EFHB: variants seen among roughly 807,000 people sequenced by gnomAD.
The protein encoded by EFHB is EF-hand domain-containing family member B.
A neutral mutation model predicts 87.2 loss-of-function variants in EFHB; 91 were observed. The ratio of observed to expected loss-of-function variants is 1.04; its 90% confidence interval spans 0.88 to 1.24. The LOEUF is 1.24. Among genes scored for constraint, EFHB ranks in the 50% most tolerant of loss-of-function variants. The pLI is 0.00. For missense variants in EFHB, 1,084 were observed against 998.8 expected, an observed-to-expected ratio of 1.09 and a Z score of -1.15; for synonymous variants, 325 against 333.6, an observed-to-expected ratio of 0.97 and a Z score of 0.28.
At chr3:19,909,005 T>A (rs1228183301) in intron 5 of EFHB, among the ~76,000 whole-genome samples, 1 of 151,256 alleles carries the variant, frequency 6.6e-6, no homozygotes, top group Non-Finnish European at 1.5e-5. Flanking sequence ...ACTGATCATG[T>A]CCCAGTCCCG....
intron 5 of EFHB, among the ~76,000 whole-genome samples, chr3:19,914,666 G>C (rs1461765070): frequency 3.9e-5 from 6 of 152,088 alleles, no homozygotes. Flanking sequence ...AATATATAAT[G>C]ATCAAATAAG....
At chr3:19,894,564 C>CAATAATATAAG (rs1482130401) in intron 9 of EFHB, 1 of 151,952 alleles carries the variant, frequency 6.6e-6, no homozygotes, top group Non-Finnish European at 1.5e-5. Flanking sequence ...ATGTGGCATC[C>CAATAATATAAG]AATAATATAA....
In EFHB at chr3:19,882,016, A is replaced by AAAATAAAT. The variant is rs368695761; in HGVS notation, c.2328+526_2328+533dup. The stretch of plus-strand genomic sequence containing the variant: ...TGTGGGCATCATGTTTTCTGAGTCA[A>AAAATAAAT]AAATAAATAAATAAATAAATAAATA... On this transcript the variant is annotated intron_variant, in intron 12 of 12. Transcript: ENST00000295824. Among the ~76,000 whole-genome samples, 955 of 141,718 alleles carry AAAATAAAT rather than the reference A, an allele frequency of 6.7e-3. 5 individuals are homozygous for AAAATAAAT. The highest frequency in any genetic ancestry group is 8.6e-3 in the Non-Finnish European group (565 of 65,882). 93.0% of individuals were successfully genotyped at this position (141,718 alleles called of 152,430 possible).
rs13078867 is a variant in EFHB at position 19,920,552 on chromosome 3, G to A, written c.805C>T (p.Pro269Ser). 0.24 allele frequency: 386,258 copies of A among 1,596,268 alleles called. 48,843 individuals carry two copies. The highest frequency in any genetic ancestry group is 0.32 in the Middle Eastern group (1,917 of 6,014). ...PCWPSAGKVI[P>S]VGYRVATCLT... is the part of the protein sequence containing the mutation. Reference sequence around the variant, plus strand: ...CAGGTTGCAACTCTGTAACCAACTGGAATAACTTTTCCTGCCTTTGGGGGA... The same window carrying A: ...CAGGTTGCAACTCTGTAACCAACTGAAATAACTTTTCCTGCCTTTGGGGGA... The change falls in exon 2 of 13, where the codon CCA becomes TCA. Residue 269 changes from proline to serine, a missense_variant. Pro to Ser is a moderately conservative substitution (Grantham distance 74). Transcript: ENST00000295824.
chr3:19,895,364 C>G (rs1694445887), intron 9 of EFHB, among the ~76,000 whole-genome samples: 1 of 151,744 alleles, frequency 6.6e-6, no homozygotes, highest in Non-Finnish European at 1.5e-5. Context: ...CACCTGTAGT[C>G]CCACTACTCG....
chr3:19,902,248 C>A lies in EFHB; in HGVS notation c.1419-2733G>T, dbSNP rs575758223. 7.2e-5 allele frequency among the ~76,000 whole-genome samples: 11 copies of A among 152,302 alleles called. No homozygotes were observed. The South Asian group carries it at 2.3e-3, about 32-fold the overall frequency. ...AACACATGCACTCGCACAGGCATGC[C>A]TACATCTGATGACTCAAACCAAAGT... On this transcript the variant is annotated intron_variant, in intron 6 of 12. Coordinates refer to ENST00000295824, the MANE Select transcript of EFHB (RefSeq NM_144715.4).
chr3:19,930,421 T>A (rs865816115), intron 1 of EFHB, among the ~76,000 whole-genome samples: 1 of 152,214 alleles, frequency 6.6e-6, no homozygotes, highest in Non-Finnish European at 1.5e-5. Context: ...AATAATAAGA[T>A]TTCTAAGTGG....
At chr3:19,910,923 T>C (rs1162926210) in intron 5 of EFHB, among the ~76,000 whole-genome samples, 1 of 152,214 alleles carries the variant, frequency 6.6e-6, no homozygotes, top group Non-Finnish European at 1.5e-5. Flanking sequence ...AGATACAGCT[T>C]AGATCACAAC....
intron 4 of EFHB, among the ~76,000 whole-genome samples, chr3:19,917,441 G>A (rs920367726): frequency 3.9e-5 from 6 of 151,922 alleles, no homozygotes; most frequent in African/African-American, 1.2e-4. Context: ...TGAGCCTTTC[G>A]GTGAACAAAG....
chr3:19,914,624 C>G (rs1359523995), intron 5 of EFHB, among the ~76,000 whole-genome samples: 2 of 152,102 alleles, frequency 1.3e-5, no homozygotes, highest in East Asian at 1.9e-4. Context: ...ACTCAATCCT[C>G]ACTATATTAC....
intron 9 of EFHB, among the ~76,000 whole-genome samples, chr3:19,891,089 C>A (rs1238185206): frequency 6.6e-6 from 1 of 151,882 alleles, no homozygotes; most frequent in Non-Finnish European, 1.5e-5. Flanking sequence ...GCTGCTGAGA[C>A]AGGCTATCAA....
chr3:19,881,879 T>C (rs1396403320), intron 12 of EFHB, among the ~76,000 whole-genome samples: 1 of 152,122 alleles, frequency 6.6e-6, no homozygotes, highest in Admixed American at 6.6e-5. Context: ...CAGGCTAGTC[T>C]AACTGAGCAC....
chr3:19,902,317 C>G (rs1482078651), intron 6 of EFHB, among the ~76,000 whole-genome samples: 1 of 152,038 alleles, frequency 6.6e-6, no homozygotes, highest in Non-Finnish European at 1.5e-5. Context: ...AGGTCACAGG[C>G]AAAATATAGA....
At position 19,888,972 on chromosome 3, in the gene EFHB, G is replaced by A. The variant is rs147157721; in HGVS notation, c.1726-321C>T. Among the ~76,000 whole-genome samples the A allele has an allele frequency of 9.9e-4, 151 of 152,334 alleles. 4 individuals carry two copies. In the East Asian group the frequency reaches 0.029, roughly 29 times the overall value. On this transcript the variant is annotated intron_variant, in intron 9 of 12. Transcript: ENST00000295824. ...CTTCATTTCATTGCCTGTTATTAAG[G>A]AGAAATTGGGGAGATAGTTGCAGGA...
chr3:19,895,540 T>C (rs1694453185), intron 9 of EFHB, among the ~76,000 whole-genome samples: 1 of 151,800 alleles, frequency 6.6e-6, no homozygotes, highest in South Asian at 2.1e-4. Flanking sequence ...GCTATTAAGA[T>C]GATCATCTTT....
chr3:19,936,729 A>C (rs1176013598), upstream of EFHB, among the ~76,000 whole-genome samples: 2 of 151,884 alleles, frequency 1.3e-5, no homozygotes, highest in Non-Finnish European at 1.5e-5. Flanking sequence ...TGAGCTGGAC[A>C]TGGTGGCCAG....
At chr3:19,922,087 C>A (rs566359236) in intron 1 of EFHB, among the ~76,000 whole-genome samples, 8 of 152,122 alleles carry the variant, frequency 5.3e-5, no homozygotes, top group Non-Finnish European at 1.2e-4. Context: ...ATTGCTTGAA[C>A]CCAGGAGGCA....
At chr3:19,917,261 T>A (rs1008196252) in intron 4 of EFHB, among the ~76,000 whole-genome samples, 3 of 150,572 alleles carry the variant, frequency 2.0e-5, no homozygotes, top group African/African-American at 7.3e-5. Flanking sequence ...TTCATATATA[T>A]AGAAACATAA....
rs764878051 is a variant in EFHB at position 19,899,499 on chromosome 3, A to G, written c.1435T>C (p.Phe479Leu). ...HELQMKRGAK[F>L]VSKRADDFKE... ...AAATCATCTGCTCTTTTGGATACAA[A>G]CTTAGCTCCTCTTTTCCTGCAAAAT... Residue 479 changes from phenylalanine (F) to leucine (L), a missense_variant, in exon 7 of 13, where the codon TTT (phenylalanine) becomes CTT (leucine). Coordinates refer to ENST00000295824, the MANE Select transcript of EFHB (RefSeq NM_144715.4). 2.5e-6 allele frequency: 4 copies of G among 1,601,604 alleles called. No homozygotes were observed. The highest frequency in any genetic ancestry group is 1.7e-4 in the Middle Eastern group (1 of 6,014).
Sources: gnomAD v4.1 joint callset for allele counts (sites outside exome capture counted in the v4.1 genomes callset) on GRCh38, gnomAD v4.1.1 for gene constraint, MANE v1.5 for transcripts, NCBI Gene and HGNC (gene_info 2026-07-23, HGNC 2026-07-21) for gene names.